The following ASB9 variants were observed in gnomAD, a reference collection of about 807,000 sequenced individuals.
ASB9 encodes the protein ankyrin repeat and SOCS box containing 9, also known as ankyrin repeat and SOCS box protein 9.
Under a neutral mutation model 16.6 loss-of-function variants are expected in ASB9, and 5 were observed. The observed-to-expected ratio is 0.30, with a 90% CI of 0.16 to 0.63. ASB9 has a LOEUF of 0.63. ASB9 is among the 30% of genes least tolerant of loss of function. ASB9 has a pLI of 0.82. For missense variants in ASB9, 216 were observed against 229.4 expected, an observed-to-expected ratio of 0.94 and a Z score of 0.38; for synonymous variants, 100 against 86.4, an observed-to-expected ratio of 1.16 and a Z score of -0.87.
intron 3 of ASB9, among the ~76,000 whole-genome samples, chrX:15,253,905 C>T (rs1402492537): frequency 9.0e-6 from 1 of 111,636 alleles, no homozygotes; most frequent in Admixed American, 9.5e-5. Context: ...TAAAAGTTGC[C>T]CAGGGTAAAA....
At chrX:15,267,425 T>TTTAAAAAAAAA (rs377056337) in intron 1 of ASB9, among the ~76,000 whole-genome samples, 22 of 87,555 alleles carry the variant, frequency 2.5e-4, no homozygotes, top group East Asian at 1.1e-3. Context: ...AAAATATATA[T>TTTAAAAAAAAA]ATATATATAA....
At chrX:15,260,967 C>G (rs745991721) in intron 1 of ASB9, among the ~76,000 whole-genome samples, 12 of 111,664 alleles carry the variant, frequency 1.1e-4, no homozygotes, top group African/African-American at 3.9e-4. Flanking sequence ...ATCTACATAC[C>G]GCCCATCCAA....
chrX:15,257,269 C>T (rs755407134), intron 2 of ASB9, among the ~76,000 whole-genome samples: 53 of 110,589 alleles, frequency 4.8e-4, no homozygotes, highest in African/African-American at 1.7e-3. Context: ...ATTAGCGGGG[C>T]GTGGTGGCAC....
At chrX:15,263,577 C>G (rs1926145794) in intron 1 of ASB9, among the ~76,000 whole-genome samples, 1 of 73,645 alleles carries the variant, frequency 1.4e-5, no homozygotes, top group Non-Finnish European at 2.5e-5. Flanking sequence ...TCTTTCCTGT[C>G]TCCCTCTCTC....
At chrX:15,267,425 T>TTTAAAAAAAAAAAAAAATAC (rs377056337) in intron 1 of ASB9, among the ~76,000 whole-genome samples, 3 of 87,652 alleles carry the variant, frequency 3.4e-5, no homozygotes, top group Admixed American at 1.3e-4. Flanking sequence ...AAAATATATA[T>TTTAAAAAAAAAAAAAAATAC]ATATATATAA....
Position 15,269,802 on chromosome X carries a change from G to C in ASB9, c.73C>G (p.Leu25Val), listed in dbSNP as rs769943633. ...GPRDFPGIRL[L>V]SNPLMGDAVS... The stretch of plus-strand genomic sequence containing the variant: ...TCACCGCCCATCAATGGGTTTGAAA[G>C]AAGCCTGATGCCAGGAAAGTCCCTT... The change falls in exon 1 of 7, where the codon CTT becomes GTT. Residue 25 changes from leucine (L) to valine (V), a missense_variant. Leu to Val is a conservative substitution (Grantham distance 32, BLOSUM62 1). Transcript: ENST00000380488. 3 of 1,208,301 alleles carry C rather than the reference G, an allele frequency of 2.5e-6. No individual in the cohort carries two copies. In the South Asian group the frequency reaches 5.3e-5, roughly 21 times the overall value.
chrX:15,262,892 A>G (rs1045758916), intron 1 of ASB9, among the ~76,000 whole-genome samples: 8 of 112,440 alleles, frequency 7.1e-5, no homozygotes, highest in African/African-American at 2.6e-4. Flanking sequence ...TCAGCCTCCC[A>G]AAGTGCTGGG....
chrX:15,252,958 G>A (rs1385263460), intron 3 of ASB9, among the ~76,000 whole-genome samples: 1 of 112,665 alleles, frequency 8.9e-6, no homozygotes, highest in Non-Finnish European at 1.9e-5. Context: ...ATTTGGCCAG[G>A]CGCAGTGGCT....
chrX:15,264,675 C>G (rs898068845), intron 1 of ASB9, among the ~76,000 whole-genome samples: 1 of 111,766 alleles, frequency 8.9e-6, no homozygotes, highest in Non-Finnish European at 1.9e-5. Context: ...TTTCTTGGCA[C>G]AGCTATTTGA....
At chrX:15,252,440 G>C (rs1459127954) in intron 3 of ASB9, 36 bp from the exon 4 acceptor site, 2 of 1,155,112 alleles carry the variant, frequency 1.7e-6, no homozygotes, top group African/African-American at 3.6e-5. Flanking sequence ...GACAGGAAGG[G>C]GGATGTTTTG....
intron 3 of ASB9, among the ~76,000 whole-genome samples, chrX:15,253,633 T>G (rs1034458896): frequency 9.0e-6 from 1 of 111,615 alleles, no homozygotes; most frequent in Non-Finnish European, 1.9e-5. Context: ...AAAAACTGGT[T>G]AATGTCCTAT....
At chrX:15,248,438 A>C (rs1441137331) in intron 6 of ASB9, among the ~76,000 whole-genome samples, 1 of 111,890 alleles carries the variant, frequency 8.9e-6, no homozygotes, top group Non-Finnish European at 1.9e-5. Flanking sequence ...CATGTTTTAA[A>C]TAAATGTAAT....
chrX:15,256,650 A>G lies in ASB9; in HGVS notation c.175-1806T>C, dbSNP rs768886550. On this transcript the variant is annotated intron_variant, in intron 2 of 6. Transcript: ENST00000380488. The stretch of plus-strand genomic sequence containing the variant: ...AAATTAGCCGGGCGAGGTGGGGGAC[A>G]CCTGTAGTCCCAGCTACTCGGGAGG... Among the ~76,000 whole-genome samples, 680 of 102,396 alleles carry G rather than the reference A, an allele frequency of 6.6e-3. 7 individuals are homozygous for G. Among genetic ancestry groups the G allele is most frequent in the African/African-American group, 0.023 (636 of 27,262 alleles). The allele number at this position is 102,396 out of a possible 115,157, so 88.9% of individuals were successfully genotyped here. A position where few individuals can be genotyped will look rare whatever the true frequency, so the allele number is the denominator to read the frequency against.
chrX:15,265,929 G>A (rs763571010), intron 1 of ASB9, among the ~76,000 whole-genome samples: 10 of 109,165 alleles, frequency 9.2e-5, no homozygotes, highest in East Asian at 2.9e-4. Context: ...TCAGCCTCCC[G>A]GGTAGCTGGG....
intron 3 of ASB9, 117 bp downstream of exon 3, chrX:15,254,620 A>C: frequency 1.8e-6 from 1 of 569,703 alleles, no homozygotes; most frequent in Non-Finnish European, 2.9e-6. Flanking sequence ...TTCTTGAAAA[A>C]CAACTGTCTT....
Position 15,244,293 on chromosome X carries a change from C to T in ASB9, c.*213G>A, listed in dbSNP as rs753295643. 1.3e-5 allele frequency: 5 copies of T among 398,751 alleles called. No individual in the cohort carries two copies. Among genetic ancestry groups the T allele is most frequent in the African/African-American group, 1.0e-4 (4 of 39,019 alleles). The allele number at this position is 398,751 out of a possible 1,213,427, so 32.9% of individuals were successfully genotyped here. A position where few individuals can be genotyped will look rare whatever the true frequency, so the allele number is the denominator to read the frequency against. ...CATGCCTTCTAACTAATAATACAAA[C>T]GTATGCAGTGTCTTTCAACCCTGGC... On this transcript the variant is annotated 3_prime_UTR_variant, in exon 7 of 7. Coordinates refer to ENST00000380488, the MANE Select transcript of ASB9 (RefSeq NM_001031739.3).
intron 2 of ASB9, among the ~76,000 whole-genome samples, chrX:15,256,702 C>T (rs370622135): frequency 1.1e-5 from 1 of 93,560 alleles, no homozygotes. Context: ...GCGTGAACCC[C>T]AGGGGGCGGA....
At chrX:15,266,803 G>A (rs911276844) in intron 1 of ASB9, among the ~76,000 whole-genome samples, 6 of 109,821 alleles carry the variant, frequency 5.5e-5, no homozygotes, top group Middle Eastern at 4.8e-3. Context: ...GGGCGTGGTG[G>A]CGGGCGCCTG....
intron 6 of ASB9, among the ~76,000 whole-genome samples, chrX:15,248,140 C>T (rs1350346597): frequency 9.0e-6 from 1 of 110,509 alleles, no homozygotes; most frequent in Non-Finnish European, 1.9e-5. Context: ...TCTTTGTTCC[C>T]CAGCCCAGCC....
Sources: gnomAD v4.1 joint callset for allele counts (sites outside exome capture counted in the v4.1 genomes callset) on GRCh38, gnomAD v4.1.1 for gene constraint, MANE v1.5 for transcripts, NCBI Gene and HGNC (gene_info 2026-07-23, HGNC 2026-07-21) for gene names.